NBPF10: variants seen among roughly 807,000 people sequenced by gnomAD.
The protein encoded by NBPF10 is NBPF family member NBPF10.
In NBPF10, 63 loss-of-function variants were observed where a neutral mutation model predicts 77.9. The ratio of observed to expected loss-of-function variants is 0.81; its 90% CI spans 0.66 to 1.00. The LOEUF (loss-of-function observed/expected upper bound fraction) is 1.00, where lower values mean the gene tolerates loss of function less well. NBPF10 is among the 50% of genes least tolerant of loss of function. NBPF10 has a pLI of 0.00. For synonymous variants in NBPF10, 146 were observed against 264.5 expected, an observed-to-expected ratio of 0.55 and a Z score of 4.35; for missense variants, 522 against 679.8, an observed-to-expected ratio of 0.77 and a Z score of 2.58.
rs7366176 is a variant in NBPF10, at chr1:146,143,000, A to C, written c.176-248T>G. Among the ~76,000 whole-genome samples the C allele has an allele frequency of 8.5e-5, 9 of 106,238 alleles. 1 individual carries two copies. Among genetic ancestry groups the C allele is most frequent in the African/African-American group, 1.8e-4 (6 of 34,200 alleles). The allele number at this position is 106,238 out of a possible 152,430, so 69.7% of individuals were successfully genotyped here. A position where few individuals can be genotyped will look rare whatever the true frequency, so the allele number is the denominator to read the frequency against. Reference sequence around the variant, plus strand: ...GAAGTTGACAAGATGATTCAACCACAACGAAGTGGAGTCAGAACTCACAGC... The same window carrying C: ...GAAGTTGACAAGATGATTCAACCACCACGAAGTGGAGTCAGAACTCACAGC... On this transcript the variant is annotated intron_variant, in intron 1 of 89. Transcript: ENST00000583866.
chr1:146,126,351 A>C, exon 14 of NBPF10: 10 of 1,362,770 alleles, frequency 7.3e-6, no homozygotes, highest in Non-Finnish European at 1.0e-5. Flanking sequence ...AATAACATCT[A>C]TCCTGTGAGT....
chr1:146,122,186 C>T (rs1553788735), intron 19 of NBPF10, 97 bp downstream of exon 19: 4 of 67,468 alleles, frequency 5.9e-5, no homozygotes, highest in Admixed American at 2.2e-4. Context: ...ATTCAGCCTT[C>T]GCTGAAAACA....
rs1659732068 is a variant in NBPF10 at position 146,136,568 on chromosome 1, A to G, written c.989-113T>C. On this transcript the variant is annotated intron_variant, in intron 6 of 89. Coordinates refer to ENST00000583866, the Ensembl canonical transcript of NBPF10. Reference sequence around the variant, plus strand: ...CAAGGACAAAACTCTCCCCAGTACCAGGGTCTAGACAGGGATTTCCACATC... The same window carrying G: ...CAAGGACAAAACTCTCCCCAGTACCGGGGTCTAGACAGGGATTTCCACATC... The G allele has an allele frequency of 3.9e-5, 26 of 660,378 alleles. No homozygotes were observed. In the South Asian group the frequency reaches 4.4e-4, roughly 11 times the overall value. The allele number at this position is 660,378 out of a possible 1,614,324, so 40.9% of individuals were successfully genotyped here.
At chr1:146,066,395 C>A (rs587670519) in exon 90 of NBPF10, 2 of 908,228 alleles carry the variant, frequency 2.2e-6, no homozygotes, top group Non-Finnish European at 3.1e-6. Context: ...CTATTGTCCA[C>A]GTAAAGGGCG....
Position 146,140,410 on chromosome 1 carries a change from G to T in NBPF10, c.566+74C>A. On this transcript the variant is annotated intron_variant, in intron 4 of 89. Coordinates refer to ENST00000583866, the Ensembl canonical transcript of NBPF10. ...TGCGGGCATTTGGCCCATCATAGAT[G>T]CCAGAGAGGGTGTGCCTCCTAGACA... 23 of 707,538 alleles carry T rather than the reference G, an allele frequency of 3.3e-5. 8 individuals carry two copies. In the South Asian group the frequency reaches 4.5e-4, roughly 14 times the overall value. The allele number at this position is 707,538 out of a possible 1,614,324, so 43.8% of individuals were successfully genotyped here. A position where few individuals can be genotyped will look rare whatever the true frequency, so the allele number is the denominator to read the frequency against.
intron 16 of NBPF10, 103 bp downstream of exon 16, chr1:146,124,585 G>A: frequency 2.0e-5 from 1 of 49,070 alleles, no homozygotes; most frequent in Non-Finnish European, 3.5e-5. Flanking sequence ...CCTGCCTGCG[G>A]CAATGACGTC....
intron 1 of NBPF10, among the ~76,000 whole-genome samples, chr1:146,143,137 CCTAGGA>C (rs1553798092): frequency 8.2e-6 from 1 of 122,502 alleles, no homozygotes; most frequent in African/African-American, 2.6e-5. Flanking sequence ...CGGGAAGGCC[CCTAGGA>C]CTATGGGACT....
chr1:146,067,928 C>T, intron 88 of NBPF10, 75 bp downstream of exon 88: 2 of 687,894 alleles, frequency 2.9e-6, no homozygotes, highest in East Asian at 2.8e-5. Context: ...TCAGCAAGGG[C>T]CACTTGGAAT....
In NBPF10 at chr1:146,125,863, T is replaced by C. The variant is rs587610419; in HGVS notation, c.2027-347A>G. On this transcript the variant is annotated intron_variant, in intron 14 of 89. Transcript: ENST00000583866. ...CACTATTCAGCCCTGTCTCATCAAA[T>C]ACTCAGATTGTTCATGGTAGCGAGG... is the stretch of plus-strand genomic sequence containing the variant. Among the ~76,000 whole-genome samples the C allele has an allele frequency of 1.3e-4, 20 of 151,156 alleles. 1 individual carries two copies. In the South Asian group the frequency reaches 3.6e-3, roughly 27 times the overall value.
At position 146,125,756 on chromosome 1, in the gene NBPF10, C is replaced by A. The variant is rs587746355; in HGVS notation, c.2027-240G>T. Among the ~76,000 whole-genome samples, 11 of 140,916 alleles carry A rather than the reference C, an allele frequency of 7.8e-5. No homozygotes were observed. In the East Asian group the frequency reaches 1.4e-3, roughly 18 times the overall value. 92.4% of individuals were successfully genotyped at this position (140,916 alleles called of 152,430 possible). A position where few individuals can be genotyped will look rare whatever the true frequency, so the allele number is the denominator to read the frequency against. On this transcript the variant is annotated intron_variant, in intron 14 of 89. Transcript: ENST00000583866. ...ATCGTTATCCAAATATCATTTGTCC[C>A]AAGTTTGTGCAAATGGTTATGCCAT...
chr1:146,125,855 T>C (rs1658543401), intron 14 of NBPF10, among the ~76,000 whole-genome samples: 1 of 150,874 alleles, frequency 6.6e-6, no homozygotes, highest in South Asian at 2.1e-4. Flanking sequence ...CAGCCCTGTC[T>C]CATCAAATAC....
chr1:146,066,683 G>C (rs1394899574), intron 89 of NBPF10, 122 bp from the exon 90 acceptor site: 18 of 554,418 alleles, frequency 3.2e-5, no homozygotes, highest in Middle Eastern at 9.6e-4. Context: ...AACCATTAAT[G>C]AGGTAAAAAA....
chr1:146,125,793 C>T (rs587608503), intron 14 of NBPF10, among the ~76,000 whole-genome samples: 84 of 147,116 alleles, frequency 5.7e-4, no homozygotes, highest in African/African-American at 2.1e-3. Flanking sequence ...TTTTTCCAAT[C>T]GATTTAAAGC....
At chr1:146,067,717 T>C (rs1183540708) in intron 88 of NBPF10, among the ~76,000 whole-genome samples, 1 of 149,830 alleles carries the variant, frequency 6.7e-6, no homozygotes, top group African/African-American at 2.5e-5. Flanking sequence ...TGAGTCAAAA[T>C]CACAGTTCTC....
At position 146,068,549 on chromosome 1, in the gene NBPF10, T is replaced by C. The variant is rs1655438743; in HGVS notation, c.10862+223A>G. On this transcript the variant is annotated intron_variant, in intron 87 of 89. Coordinates refer to ENST00000583866, the Ensembl canonical transcript of NBPF10. The stretch of plus-strand genomic sequence containing the variant: ...TGCTCAAGATTCCATGCAGTTGCCA[T>C]ACAGCCTTTGACGTATGGTCAACCT... Among the ~76,000 whole-genome samples the C allele has an allele frequency of 6.6e-5, 2 of 30,098 alleles. 1 individual carries two copies. The highest frequency in any genetic ancestry group is 1.7e-4 in the Non-Finnish European group (2 of 11,908). The allele number at this position is 30,098 out of a possible 152,430, so 19.7% of individuals were successfully genotyped here.
intron 35 of NBPF10, among the ~76,000 whole-genome samples, chr1:146,109,343 CACAGAGAG>C (rs1372905136): frequency 4.9e-4 from 45 of 91,656 alleles, no homozygotes; most frequent in African/African-American, 8.8e-4. Context: ...CACACACACA[CACAGAGAG>C]AGAGAGAGAG....
chr1:146,143,279 TAAGAC>T (rs1660482682), intron 1 of NBPF10, among the ~76,000 whole-genome samples: 1 of 131,760 alleles, frequency 7.6e-6, no homozygotes, highest in Admixed American at 7.8e-5. Flanking sequence ...GTGTGAGACA[TAAGAC>T]AATAAGGCCA....
At chr1:146,126,625 A>T (rs1420644481) in intron 13 of NBPF10, among the ~76,000 whole-genome samples, 7 of 144,772 alleles carry the variant, frequency 4.8e-5, no homozygotes, top group African/African-American at 1.7e-4. Context: ...ACACACACAC[A>T]CACACACACA....
At chr1:146,073,242 T>A (rs1655840526) in intron 81 of NBPF10, among the ~76,000 whole-genome samples, 1 of 9,522 alleles carries the variant, frequency 1.1e-4, no homozygotes, top group East Asian at 2.1e-3. Context: ...TCAATAATTT[T>A]CCATAAACTT....
Sources: allele counts gnomAD v4.1 joint callset (sites outside exome capture counted in the v4.1 genomes callset), GRCh38; gene constraint gnomAD v4.1.1; transcripts MANE v1.5; gene names NCBI Gene and HGNC (gene_info 2026-07-23, HGNC 2026-07-21).